Variants in FBXL7 observed in about 807,000 individuals in gnomAD.
FBXL7 encodes the protein F-box/LRR-repeat protein 7.
Under a neutral mutation model 38.3 loss-of-function variants are expected in FBXL7, and 12 were observed. The ratio of observed to expected loss-of-function variants is 0.31; its 90% CI spans 0.20 to 0.51. The LOEUF is 0.51. Ranked by LOEUF, FBXL7 falls within the 20% of genes least tolerant of loss-of-function variation. FBXL7 has a pLI of 0.98. For synonymous variants in FBXL7, 297 were observed against 300.9 expected (o/e 0.99, Z 0.13); for missense variants, 567 against 676.4 (o/e 0.84, Z 1.79).
At chr5:15,849,971 T>A (rs1039358285) in intron 2 of FBXL7, among the ~76,000 whole-genome samples, 1 of 152,168 alleles carries the variant, frequency 6.6e-6, no homozygotes, top group Non-Finnish European at 1.5e-5. Context: ...AATCAACTTA[T>A]CTGACCTGAG....
chr5:15,697,014 G>A (rs1465131878), intron 2 of FBXL7, among the ~76,000 whole-genome samples: 1 of 152,172 alleles, frequency 6.6e-6, no homozygotes, highest in African/African-American at 2.4e-5. Flanking sequence ...GCACAAAGTA[G>A]GTGATCAATA....
chr5:15,741,028 G>A (rs1191815790), intron 2 of FBXL7, among the ~76,000 whole-genome samples: 2 of 152,124 alleles, frequency 1.3e-5, no homozygotes, highest in Non-Finnish European at 2.9e-5. Context: ...ATTGTGGACT[G>A]AAACACAATA....
intron 2 of FBXL7, among the ~76,000 whole-genome samples, chr5:15,637,977 A>C (rs964997374): frequency 1.3e-5 from 2 of 152,198 alleles, no homozygotes; most frequent in African/African-American, 4.8e-5. Context: ...AGCTCCTGAC[A>C]ACACAACCTG....
intron 2 of FBXL7, among the ~76,000 whole-genome samples, chr5:15,780,147 G>A (rs1736955202): frequency 6.6e-6 from 1 of 152,134 alleles, no homozygotes; most frequent in African/African-American, 2.4e-5. Flanking sequence ...AGTTTGCACG[G>A]CTGTGTCTAT....
chr5:15,604,717 A>G (rs1285446441), intron 1 of FBXL7, among the ~76,000 whole-genome samples: 2 of 152,126 alleles, frequency 1.3e-5, no homozygotes, highest in Non-Finnish European at 2.9e-5. Flanking sequence ...AATGATTTCT[A>G]TGCTTCAAGG....
At chr5:15,857,127 A>T (rs1444439687) in intron 2 of FBXL7, among the ~76,000 whole-genome samples, 1 of 152,202 alleles carries the variant, frequency 6.6e-6, no homozygotes, top group Non-Finnish European at 1.5e-5. Flanking sequence ...TAACCAAATG[A>T]CAGGGATAGA....
intron 2 of FBXL7, among the ~76,000 whole-genome samples, chr5:15,681,234 G>A (rs1742833584): frequency 6.6e-6 from 1 of 152,140 alleles, no homozygotes; most frequent in Admixed American, 6.5e-5. Flanking sequence ...TCCAAAGTGT[G>A]TAATTAGAAA....
chr5:15,809,646 A>G (rs1266974340), intron 2 of FBXL7, among the ~76,000 whole-genome samples: 1 of 152,062 alleles, frequency 6.6e-6, no homozygotes, highest in Admixed American at 6.6e-5. Context: ...GCACAAATCA[A>G]TTTAAAGAAA....
intron 2 of FBXL7, among the ~76,000 whole-genome samples, chr5:15,626,376 C>G (rs1158745920): frequency 6.6e-6 from 1 of 152,190 alleles, no homozygotes; most frequent in Admixed American, 6.5e-5. Flanking sequence ...AGCTCATCAT[C>G]TCAGTGTCCA....
intron 1 of FBXL7, among the ~76,000 whole-genome samples, chr5:15,542,246 T>C (rs953915374): frequency 6.6e-6 from 1 of 152,226 alleles, no homozygotes; most frequent in Non-Finnish European, 1.5e-5. Context: ...ATAAAACATT[T>C]TTGTTCTTTA....
intron 2 of FBXL7, among the ~76,000 whole-genome samples, chr5:15,832,410 A>T (rs1387640807): frequency 1.3e-5 from 2 of 152,224 alleles, no homozygotes; most frequent in Admixed American, 1.3e-4. Context: ...TTCCTTAACA[A>T]ATACCAGTTT....
chr5:15,527,383 G>A (rs573578988), intron 1 of FBXL7, among the ~76,000 whole-genome samples: 8 of 152,072 alleles, frequency 5.3e-5, no homozygotes, highest in Non-Finnish European at 1.2e-4. Flanking sequence ...CTTGACAAAT[G>A]TTAAAATATT....
intron 2 of FBXL7, among the ~76,000 whole-genome samples, chr5:15,773,054 G>C (rs1467565056): frequency 6.6e-6 from 1 of 151,990 alleles, no homozygotes; most frequent in South Asian, 2.1e-4. Context: ...ATCACACCTG[G>C]CTAATTTTTT....
chr5:15,690,872 T>A (rs1224935875), intron 2 of FBXL7, among the ~76,000 whole-genome samples: 2 of 152,170 alleles, frequency 1.3e-5, no homozygotes, highest in East Asian at 3.9e-4. Flanking sequence ...GGGAGTTCAG[T>A]ACTGCTGTAA....
intron 2 of FBXL7, among the ~76,000 whole-genome samples, chr5:15,911,398 G>C (rs1435369468): frequency 9.9e-5 from 13 of 131,648 alleles, no homozygotes. Context: ...GCACTTCTCT[G>C]TATTGGTTAT....
intron 2 of FBXL7, among the ~76,000 whole-genome samples, chr5:15,786,563 G>A (rs895934658): frequency 6.6e-6 from 1 of 152,202 alleles, no homozygotes; most frequent in African/African-American, 2.4e-5. Context: ...ATTCAATGTA[G>A]AATAAAGTAA....
At chr5:15,894,584 C>T (rs1043785554) in intron 2 of FBXL7, among the ~76,000 whole-genome samples, 12 of 152,060 alleles carry the variant, frequency 7.9e-5, no homozygotes, top group Admixed American at 2.0e-4. Context: ...TTTTCTATTG[C>T]GTTTTCTGTT....
At chr5:15,637,997 AT>A (rs2126551329) in intron 2 of FBXL7, among the ~76,000 whole-genome samples, 1 of 152,232 alleles carries the variant, frequency 6.6e-6, no homozygotes, top group East Asian at 1.9e-4. Context: ...GTTAAGTCTG[AT>A]TCATTATTCA....
At chr5:15,843,809 A>G (rs1215552927) in intron 2 of FBXL7, among the ~76,000 whole-genome samples, 2 of 152,026 alleles carry the variant, frequency 1.3e-5, no homozygotes, top group East Asian at 3.9e-4. Context: ...AGGAGCAGCA[A>G]TATAGTTCCT....
Sources: gnomAD v4.1 joint callset for allele counts (sites outside exome capture counted in the v4.1 genomes callset) on GRCh38, gnomAD v4.1.1 for gene constraint, MANE v1.5 for transcripts, NCBI Gene and HGNC (gene_info 2026-07-23, HGNC 2026-07-21) for gene names.